The following MYO1E variants were observed in gnomAD, a reference collection of about 807,000 sequenced individuals.
The protein encoded by MYO1E is unconventional myosin-Ie.
Under a neutral mutation model 151.1 loss-of-function variants are expected in MYO1E, and 68 were observed. The observed-to-expected ratio is 0.45, with a 90% CI of 0.37 to 0.55. The LOEUF (loss-of-function observed/expected upper bound fraction) is 0.55. Ranked by LOEUF, MYO1E falls within the 20% of genes least tolerant of loss-of-function variation. MYO1E has a pLI of 0.00. For synonymous variants in MYO1E, 601 were observed against 501.7 expected, an observed-to-expected ratio of 1.20 and a Z score of -2.64; for missense variants, 1,363 against 1,389.3, an observed-to-expected ratio of 0.98 and a Z score of 0.30.
At chr15:59,223,861 T>C (rs1318896437) in intron 8 of MYO1E, among the ~76,000 whole-genome samples, 1 of 152,202 alleles carries the variant, frequency 6.6e-6, no homozygotes, top group Non-Finnish European at 1.5e-5. Context: ...AGACTCCTTA[T>C]TGGCACTTTT....
intron 1 of MYO1E, among the ~76,000 whole-genome samples, chr15:59,361,378 A>G (rs770378136): frequency 6.6e-6 from 1 of 152,232 alleles, no homozygotes; most frequent in Non-Finnish European, 1.5e-5. Flanking sequence ...TGTATTGAAC[A>G]TTGGGAGACA....
intron 15 of MYO1E, 111 bp downstream of exon 15, chr15:59,205,289 A>G: frequency 9.4e-7 from 1 of 1,060,398 alleles, no homozygotes; most frequent in Non-Finnish European, 1.5e-6. Context: ...TAGCCTCCTG[A>G]GTAGCTGGGA....
At chr15:59,346,410 A>C (rs145153894) in intron 1 of MYO1E, among the ~76,000 whole-genome samples, 91 of 152,336 alleles carry the variant, frequency 6.0e-4, no homozygotes, top group African/African-American at 2.2e-3. Flanking sequence ...GTTTTGTCTC[A>C]TGTTTTTGAA....
At chr15:59,228,377 G>A (rs1233338264) in intron 6 of MYO1E, among the ~76,000 whole-genome samples, 2 of 152,048 alleles carry the variant, frequency 1.3e-5, no homozygotes, top group East Asian at 3.9e-4. Flanking sequence ...CAGCGAGGCA[G>A]GAGAATCGCT....
Position 59,136,480 on chromosome 15 carries a change from G to A in MYO1E, c.*900C>T, listed in dbSNP as rs16941061. On this transcript the variant is annotated 3_prime_UTR_variant, in exon 28 of 28. Transcript: ENST00000288235. ...CTGACCTAGAAAGCAGTGACACTCC[G>A]TAGTTGGAAAAAAGCAGAGCACATC... 10 of 294,802 alleles carry A rather than the reference G, an allele frequency of 3.4e-5. No individual in the cohort carries two copies. Among genetic ancestry groups the A allele is most frequent in the South Asian group, 1.6e-4 (5 of 32,110 alleles). 18.3% of individuals were successfully genotyped at this position (294,802 alleles called of 1,614,324 possible).
At chr15:59,300,812 C>G (rs1396300416) in intron 1 of MYO1E, among the ~76,000 whole-genome samples, 1 of 151,248 alleles carries the variant, frequency 6.6e-6, no homozygotes, top group African/African-American at 2.4e-5. Context: ...ACAATCATAA[C>G]AAACTCTTGG....
chr15:59,246,230 G>C (rs1242563391), intron 4 of MYO1E, among the ~76,000 whole-genome samples: 1 of 152,060 alleles, frequency 6.6e-6, no homozygotes, highest in Admixed American at 6.5e-5. Flanking sequence ...TGATTCTCCT[G>C]CCTCAGCTTT....
chr15:59,208,534 CTT>C, intron 14 of MYO1E, 145 bp downstream of exon 14: 1 of 998,168 alleles, frequency 1.0e-6, no homozygotes, highest in East Asian at 2.5e-5. Flanking sequence ...TATATACAAT[CTT>C]TTGTTTTGCT....
At chr15:59,352,528 A>T (rs1378752421) in intron 1 of MYO1E, among the ~76,000 whole-genome samples, 1 of 152,212 alleles carries the variant, frequency 6.6e-6, no homozygotes, top group Non-Finnish European at 1.5e-5. Flanking sequence ...CTCCTCTTCT[A>T]AGCAGACCTT....
intron 4 of MYO1E, among the ~76,000 whole-genome samples, chr15:59,240,083 A>G (rs2080090647): frequency 6.6e-6 from 1 of 152,252 alleles, no homozygotes; most frequent in South Asian, 2.1e-4. Context: ...TAATTGACTT[A>G]TAAAATGGAC....
chr15:59,205,690 G>A (rs2079829217), intron 14 of MYO1E, among the ~76,000 whole-genome samples: 1 of 152,196 alleles, frequency 6.6e-6, no homozygotes, highest in Non-Finnish European at 1.5e-5. Flanking sequence ...CGTCTTACTT[G>A]TTAGCTGACT....
At position 59,200,024 on chromosome 15, in the gene MYO1E, C is replaced by G. The variant is rs1401935673; in HGVS notation, c.1698+2302G>C. ...GGTAAACTGCTGACTTCAGCTTGAC[C>G]TCCCTAGACAAGGGCCTGAGACTTG... On this transcript the variant is annotated intron_variant, in intron 16 of 27. Transcript: ENST00000288235. Among the ~76,000 whole-genome samples the G allele has an allele frequency of 2.0e-5, 3 of 152,162 alleles. No individual in the cohort carries two copies. In the South Asian group the frequency reaches 6.2e-4, roughly 32 times the overall value.
intron 1 of MYO1E, among the ~76,000 whole-genome samples, chr15:59,353,611 G>T (rs1482633099): frequency 6.6e-6 from 1 of 151,568 alleles, no homozygotes; most frequent in African/African-American, 2.4e-5. Flanking sequence ...CAAAAAAATA[G>T]CCGGGTGTGG....
Position 59,161,378 on chromosome 15 carries a change from C to G in MYO1E, c.2628-148G>C, listed in dbSNP as rs1490746683. The G allele has an allele frequency of 5.4e-6, 5 of 922,012 alleles. No homozygotes were observed. In the African/African-American group the frequency reaches 8.4e-5, roughly 15 times the overall value. 57.1% of individuals were successfully genotyped at this position (922,012 alleles called of 1,614,324 possible). A position where few individuals can be genotyped will look rare whatever the true frequency, so the allele number is the denominator to read the frequency against. On this transcript the variant is annotated intron_variant, in intron 23 of 27. Transcript: ENST00000288235. ...CACCAGGAGCAGGGCCCTGAGGATG[C>G]GCACCGCATCCATGGGGTGGCACTG...
chr15:59,256,851 C>T (rs1464710321), intron 3 of MYO1E, among the ~76,000 whole-genome samples: 1 of 152,150 alleles, frequency 6.6e-6, no homozygotes, highest in Admixed American at 6.5e-5. Flanking sequence ...GTTGTAGATT[C>T]TGGGGCCTCA....
In MYO1E at chr15:59,326,410, C is replaced by A. The variant is rs542536300; in HGVS notation, c.3+46088G>T. On this transcript the variant is annotated intron_variant, in intron 1 of 27. Coordinates refer to ENST00000288235, the MANE Select transcript of MYO1E (RefSeq NM_004998.4). The stretch of plus-strand genomic sequence containing the variant: ...TGGTGGAGCATGCCTATAATCCCAG[C>A]TACTCAGGAGGCTGAGGCACGGGAA... Among the ~76,000 whole-genome samples the A allele has an allele frequency of 8.1e-4, 124 of 152,190 alleles. 1 individual carries two copies. The highest frequency in any genetic ancestry group is 2.9e-3 in the African/African-American group (122 of 41,512).
At chr15:59,210,403 C>A in intron 13 of MYO1E, 111 bp downstream of exon 13, 1 of 795,648 alleles carries the variant, frequency 1.3e-6, no homozygotes, top group Non-Finnish European at 2.2e-6. Context: ...CTCAAATTCT[C>A]TGCAAATCAG....
At position 59,358,850 on chromosome 15, in the gene MYO1E, A is replaced by G. The variant is rs183957366; in HGVS notation, c.3+13648T>C. Among the ~76,000 whole-genome samples, 11 of 152,318 alleles carry G rather than the reference A, an allele frequency of 7.2e-5. No homozygotes were observed. The East Asian group carries it at 2.1e-3, about 29-fold the overall frequency. On this transcript the variant is annotated intron_variant, in intron 1 of 27. Coordinates refer to ENST00000288235, the MANE Select transcript of MYO1E (RefSeq NM_004998.4). ...TTCCAGTAAAAGCAGGTTTACGACC[A>G]TAATTCCTGAACTGTGGGTTAAGAG...
intron 2 of MYO1E, among the ~76,000 whole-genome samples, chr15:59,271,332 TA>T (rs1413055131): frequency 1.3e-5 from 2 of 152,192 alleles, no homozygotes; most frequent in Non-Finnish European, 2.9e-5. Flanking sequence ...AGATGTATAT[TA>T]CATCAGAAGC....
Sources: gnomAD v4.1 joint callset for allele counts (sites outside exome capture counted in the v4.1 genomes callset) on GRCh38, gnomAD v4.1.1 for gene constraint, MANE v1.5 for transcripts, NCBI Gene and HGNC (gene_info 2026-07-23, HGNC 2026-07-21) for gene names.